Variants in C10orf90 observed in about 807,000 individuals in gnomAD.
C10orf90 encodes chromosome 10 open reading frame 90.
A neutral mutation model predicts 62.5 loss-of-function variants in C10orf90; 56 were observed. That is an observed-to-expected ratio of 0.90 (90% CI 0.72 to 1.12). The LOEUF (loss-of-function observed/expected upper bound fraction) is 1.12. Ranked by LOEUF, C10orf90 falls within the 50% of genes most tolerant of loss-of-function variation. The pLI is 0.00. For synonymous variants in C10orf90, 386 were observed against 340.4 expected (o/e 1.13, Z -1.47); for missense variants, 970 against 880.4 (o/e 1.10, Z -1.29).
At chr10:126,600,642 C>T (rs1845181037) in intron 2 of C10orf90, among the ~76,000 whole-genome samples, 1 of 152,166 alleles carries the variant, frequency 6.6e-6, no homozygotes, top group South Asian at 2.1e-4. Flanking sequence ...TCTACGTCCT[C>T]CTCTGTGCTC....
chr10:126,616,056 C>T (rs570666265), intron 2 of C10orf90, among the ~76,000 whole-genome samples: 9 of 152,330 alleles, frequency 5.9e-5, no homozygotes, highest in East Asian at 3.9e-4. Flanking sequence ...GGCACAAATG[C>T]GCATCATTTC....
intron 2 of C10orf90, among the ~76,000 whole-genome samples, chr10:126,515,057 A>T (rs990816241): frequency 6.6e-6 from 1 of 152,270 alleles, no homozygotes; most frequent in Non-Finnish European, 1.5e-5. Flanking sequence ...TTCTGCCTTT[A>T]TCAACTCATC....
At chr10:126,568,570 C>A (rs1007642124) in intron 2 of C10orf90, among the ~76,000 whole-genome samples, 1 of 152,294 alleles carries the variant, frequency 6.6e-6, no homozygotes, top group Non-Finnish European at 1.5e-5. Context: ...ATTAACTCAA[C>A]CTCAAATGAC....
At chr10:126,561,166 T>C (rs1864891808) in intron 2 of C10orf90, among the ~76,000 whole-genome samples, 1 of 152,112 alleles carries the variant, frequency 6.6e-6, no homozygotes, top group African/African-American at 2.4e-5. Context: ...AAAGGTACCA[T>C]AACAGCTGGA....
At chr10:126,461,965 C>T (rs966352008) in intron 5 of C10orf90, among the ~76,000 whole-genome samples, 6 of 152,132 alleles carry the variant, frequency 3.9e-5, no homozygotes, top group Non-Finnish European at 7.4e-5. Context: ...CCAGCACTTA[C>T]TACACTGATG....
intron 2 of C10orf90, among the ~76,000 whole-genome samples, chr10:126,636,772 T>G (rs981590266): frequency 7.2e-5 from 11 of 152,198 alleles, no homozygotes; most frequent in African/African-American, 2.4e-4. Flanking sequence ...GATAGCCAAC[T>G]GAGCAAAAGC....
intron 2 of C10orf90, among the ~76,000 whole-genome samples, chr10:126,645,402 TACCA>T (rs1191453936): frequency 1.6e-5 from 2 of 128,122 alleles, no homozygotes; most frequent in Admixed American, 1.7e-4. Flanking sequence ...ATCCCCTCTC[TACCA>T]AACAAACAAA....
chr10:126,584,180 A>G (rs934977989), intron 2 of C10orf90, among the ~76,000 whole-genome samples: 6 of 152,088 alleles, frequency 3.9e-5, no homozygotes, highest in African/African-American at 1.4e-4. Flanking sequence ...CAAATGATGC[A>G]TTTACGTGTC....
At chr10:126,527,893 C>T (rs1028376214) in intron 2 of C10orf90, among the ~76,000 whole-genome samples, 1 of 152,174 alleles carries the variant, frequency 6.6e-6, no homozygotes, top group Non-Finnish European at 1.5e-5. Context: ...AGCAAAACAG[C>T]CAGAAAAGTC....
At chr10:126,646,114 T>A (rs919044546) in intron 2 of C10orf90, among the ~76,000 whole-genome samples, 1 of 152,254 alleles carries the variant, frequency 6.6e-6, no homozygotes, top group Admixed American at 6.5e-5. Context: ...AGTTATGAAC[T>A]GTAACCATCT....
intron 2 of C10orf90, among the ~76,000 whole-genome samples, chr10:126,641,940 G>A (rs1846066948): frequency 6.6e-6 from 1 of 152,148 alleles, no homozygotes; most frequent in Non-Finnish European, 1.5e-5. Flanking sequence ...AGTGACTGAG[G>A]AGGTGAATAG....
intron 1 of C10orf90, among the ~76,000 whole-genome samples, chr10:126,658,915 G>C (rs1226439621): frequency 6.6e-6 from 1 of 152,114 alleles, no homozygotes; most frequent in Non-Finnish European, 1.5e-5. Context: ...TTAAAACAAG[G>C]GAATCAGATT....
In C10orf90 at chr10:126,505,086, C is replaced by T. The variant is rs551219456; in HGVS notation, c.406-1G>A. 27 of 1,596,456 alleles carry T rather than the reference C, an allele frequency of 1.7e-5. No individual in the cohort carries two copies. The highest frequency in any genetic ancestry group is 2.3e-5 in the Non-Finnish European group (27 of 1,171,322). On this transcript the variant is annotated splice_acceptor_variant, in intron 3 of 9. Coordinates refer to ENST00000488181, the MANE Select transcript of C10orf90 (RefSeq NM_001350921.2). LOFTEE classifies it high-confidence loss of function. ...TTGTGTTTTGTGATGCCAGGGTCTC[C>T]TGCAAATAGAAAAAGATCCCGATTA...
At position 126,448,159 on chromosome 10, in the gene C10orf90, C is replaced by T. The variant is rs547023232; in HGVS notation, c.2188+10881G>A. ...TGCTAGGATTACAGGCCTGAGCCACCGCACCCGGCCACATATCAAGTATCT... is the reference window on the plus strand; with the variant it reads ...TGCTAGGATTACAGGCCTGAGCCACTGCACCCGGCCACATATCAAGTATCT... On this transcript the variant is annotated intron_variant, in intron 7 of 9. Coordinates refer to ENST00000488181, the MANE Select transcript of C10orf90 (RefSeq NM_001350921.2). Among the ~76,000 whole-genome samples, 61 of 151,472 alleles carry T rather than the reference C, an allele frequency of 4.0e-4. No homozygotes were observed. The South Asian group carries it at 5.2e-3, about 13-fold the overall frequency.
intron 2 of C10orf90, among the ~76,000 whole-genome samples, chr10:126,521,937 G>A (rs1863762951): frequency 6.6e-6 from 1 of 152,200 alleles, no homozygotes; most frequent in Non-Finnish European, 1.5e-5. Context: ...TAATGAGCTG[G>A]AGAAGTCATT....
At chr10:126,493,071 C>T (rs758619355) in intron 4 of C10orf90, among the ~76,000 whole-genome samples, 13 of 151,498 alleles carry the variant, frequency 8.6e-5, no homozygotes, top group African/African-American at 2.2e-4. Flanking sequence ...ACAGGAAGTT[C>T]GTTCGACAGG....
chr10:126,534,149 A>T (rs1351928717), intron 2 of C10orf90, among the ~76,000 whole-genome samples: 1 of 152,206 alleles, frequency 6.6e-6, no homozygotes. Context: ...CCCCAATGAG[A>T]TCAGCTTTCC....
At chr10:126,633,425 T>C (rs1845889537) in intron 2 of C10orf90, among the ~76,000 whole-genome samples, 1 of 152,210 alleles carries the variant, frequency 6.6e-6, no homozygotes, top group African/African-American at 2.4e-5. Flanking sequence ...TGGGATGGCC[T>C]GATGAACATG....
intron 2 of C10orf90, among the ~76,000 whole-genome samples, chr10:126,567,654 G>C (rs973056405): frequency 6.6e-6 from 1 of 152,120 alleles, no homozygotes; most frequent in Non-Finnish European, 1.5e-5. Flanking sequence ...GGGTGTCCTT[G>C]AGCCAGAAGA....
Sources: allele counts gnomAD v4.1 joint callset (sites outside exome capture counted in the v4.1 genomes callset), GRCh38; gene constraint gnomAD v4.1.1; transcripts MANE v1.5; gene names NCBI Gene and HGNC (gene_info 2026-07-23, HGNC 2026-07-21).